Variants in NIN observed in about 807,000 individuals in gnomAD.
NIN encodes glycogen synthase kinase 3 beta-interacting protein.
NIN carries 137 observed loss-of-function variants against 257.6 expected under a neutral mutation model. The observed-to-expected ratio is 0.53, with a 90% CI of 0.46 to 0.61. The LOEUF is 0.61. Among genes scored for constraint, NIN ranks in the 20% least tolerant of loss-of-function variants. The pLI, the probability that NIN is intolerant of heterozygous loss-of-function variation, is 0.00. For missense variants in NIN, 2,439 were observed against 2,501.2 expected (o/e 0.98, Z 0.53); for synonymous variants, 918 against 919.8 (o/e 1.00, Z 0.04).
chr14:50,760,216 C>A lies in NIN; in HGVS notation c.2040G>T (p.Gln680His), dbSNP rs762965928. The change falls in exon 17 of 31, where the codon CAG becomes CAT. Residue 680 changes from glutamine (Q) to histidine (H), a missense_variant. By Grantham distance (24) the Gln-to-His change is conservative. Around this residue, in one of 3 missense-constraint regions of NIN, gnomAD observed 2,043 missense variants for 2,050.2 expected, o/e 1.00. Transcript: ENST00000530997. ...SDLKNEIAEL[Q>H]GQAAVLKEAH... ...CCTCCTTGAGCACTGCTGCTTGCCC[C>A]TGAAGTTCAGCAATTTCATTTTTAA... is the stretch of plus-strand genomic sequence containing the variant. 6.2e-7 allele frequency: 1 copy of A among 1,613,858 alleles called. No individual in the cohort carries two copies. Among genetic ancestry groups the A allele is most frequent in the East Asian group, 2.2e-5 (1 of 44,860 alleles).
At chr14:50,778,463 T>A (rs1410997835) in intron 6 of NIN, among the ~76,000 whole-genome samples, 2 of 152,228 alleles carry the variant, frequency 1.3e-5, no homozygotes, top group East Asian at 3.9e-4. Context: ...CCACTGTACC[T>A]GGCCAAGGGA....
Position 50,744,383 on chromosome 14 carries a change from A to C in NIN, c.5065-18T>G. The C allele has an allele frequency of 6.2e-7, 1 of 1,612,458 alleles. No individual in the cohort carries two copies. Among genetic ancestry groups the C allele is most frequent in the South Asian group, 1.1e-5 (1 of 90,950 alleles). The stretch of plus-strand genomic sequence containing the variant: ...CTGTGCAGCTGTAAGAGATAAACAA[A>C]TGAGCCCTCCCATCACATCTCATGG... On this transcript the variant is annotated intron_variant, in intron 22 of 30. Coordinates refer to ENST00000530997, the MANE Select transcript of NIN (RefSeq NM_020921.4).
chr14:50,720,837 A>T lies in NIN; in HGVS notation c.*2626T>A, dbSNP rs2040257119. On this transcript the variant is annotated 3_prime_UTR_variant, in exon 31 of 31. Transcript: ENST00000530997. ...ACGTATTATCTCAAAGGCAAACTTG[A>T]TTCCCTTTTCTTGAAACGAAGATCC... is the stretch of plus-strand genomic sequence containing the variant. The T allele has an allele frequency of 1.5e-5, 3 of 200,400 alleles. No individual in the cohort carries two copies. In the South Asian group the frequency reaches 5.7e-4, roughly 38 times the overall value. The allele number at this position is 200,400 out of a possible 1,614,324, so 12.4% of individuals were successfully genotyped here.
At chr14:50,822,796 G>A (rs1187402843) in intron 2 of NIN, among the ~76,000 whole-genome samples, 1 of 152,220 alleles carries the variant, frequency 6.6e-6, no homozygotes, top group Non-Finnish European at 1.5e-5. Flanking sequence ...AGGTGTGACG[G>A]GAAGAATATT....
At chr14:50,764,933 CCT>C (rs1421209265) in intron 14 of NIN, among the ~76,000 whole-genome samples, 2 of 151,776 alleles carry the variant, frequency 1.3e-5, no homozygotes, top group African/African-American at 2.4e-5. Context: ...TGAATTTATA[CCT>C]TCAATGGGTA....
chr14:50,765,676 T>C (rs1238855469), intron 14 of NIN, among the ~76,000 whole-genome samples: 1 of 151,820 alleles, frequency 6.6e-6, no homozygotes, highest in Non-Finnish European at 1.5e-5. Flanking sequence ...TAGCTAAGAC[T>C]TGAGTGGTTT....
chr14:50,759,847 ACTTTCTTAC>A lies in NIN; in HGVS notation c.2399+1_2399+9del. 1 of 1,592,932 alleles carries A rather than the reference ACTTTCTTAC, an allele frequency of 6.3e-7. No homozygotes were observed. Among genetic ancestry groups the A allele is most frequent in the Non-Finnish European group, 8.5e-7 (1 of 1,172,428 alleles). On this transcript the variant is annotated splice_donor_variant and splice_donor_5th_base_variant and intron_variant, in intron 17 of 30. Transcript: ENST00000530997. LOFTEE classifies it high-confidence loss of function. ...GCCCCAGGTAGCTTCATTTCCCTTC[ACTTTCTTAC>A]CTTCCCTCCTGAAGCTCCCTTTGGT...
rs2040272520 is a variant in NIN, at chr14:50,721,652, A to G, written c.*1811T>C. On this transcript the variant is annotated 3_prime_UTR_variant, in exon 31 of 31. Transcript: ENST00000530997. ...AAGAAAGATCTAAAGAAGGCATAAT[A>G]GCAGATGTCAAATATTTTGAAGTAT... 4.6e-6 allele frequency: 1 copy of G among 217,386 alleles called. No individual in the cohort carries two copies. The highest frequency in any genetic ancestry group is 9.3e-6 in the Non-Finnish European group (1 of 107,808). The allele number at this position is 217,386 out of a possible 1,614,324, so 13.5% of individuals were successfully genotyped here.
At position 50,719,861 on chromosome 14, in the gene NIN, ATCTT is replaced by A. The variant is rs1434335784; in HGVS notation, c.*3598_*3601del. ...ATTTACATCTTAAGCTCACATTAAA[ATCTT>A]TCTAGGATAGAATGGCTAAGATGAA... On this transcript the variant is annotated 3_prime_UTR_variant, in exon 31 of 31. Coordinates refer to ENST00000530997, the MANE Select transcript of NIN (RefSeq NM_020921.4). The A allele has an allele frequency of 2.9e-5, 6 of 203,544 alleles. No homozygotes were observed. Among genetic ancestry groups the A allele is most frequent in the Non-Finnish European group, 6.1e-5 (6 of 99,018 alleles). 12.6% of individuals were successfully genotyped at this position (203,544 alleles called of 1,614,324 possible). A position where few individuals can be genotyped will look rare whatever the true frequency, so the allele number is the denominator to read the frequency against.
At chr14:50,735,429 A>G in intron 28 of NIN, 87 bp downstream of exon 28, 6 of 1,486,914 alleles carry the variant, frequency 4.0e-6, no homozygotes, top group Non-Finnish European at 5.4e-6. Flanking sequence ...ACGGGAATTC[A>G]ATGCCATGTC....
At chr14:50,740,192 CT>C (rs34661828) in intron 25 of NIN, among the ~76,000 whole-genome samples, 28 of 147,008 alleles carry the variant, frequency 1.9e-4, no homozygotes, top group Non-Finnish European at 2.3e-4. Flanking sequence ...AAAATGGAAA[CT>C]TTTTTTTTTT....
chr14:50,758,145 T>C lies in NIN; in HGVS notation c.2885A>G (p.Glu962Gly). 6.2e-7 allele frequency: 1 copy of C among 1,614,222 alleles called. No homozygotes were observed. Among genetic ancestry groups the C allele is most frequent in the South Asian group, 1.1e-5 (1 of 91,074 alleles). Residue 962 changes from glutamate to glycine, a missense_variant, in exon 18 of 31, where the codon GAG (glutamate) becomes GGG (glycine). Glu to Gly is a moderately conservative substitution (Grantham distance 98, BLOSUM62 -2). Coordinates refer to ENST00000530997, the MANE Select transcript of NIN (RefSeq NM_020921.4). ...EEVLCQAGAS[E>G]QLASQRLERL... ...TTCCAGCCGCTGGCTGGCCAGCTGC[T>C]CCGAAGCCCCTGCCTGGCACAGGAC...
At chr14:50,803,112 G>C (rs773190454) in intron 4 of NIN, among the ~76,000 whole-genome samples, 10 of 152,186 alleles carry the variant, frequency 6.6e-5, no homozygotes, top group Admixed American at 1.3e-4. Flanking sequence ...CCAGCACTTT[G>C]GGAGGCCGAG....
intron 4 of NIN, among the ~76,000 whole-genome samples, chr14:50,799,264 T>C (rs2043976649): frequency 1.3e-5 from 2 of 152,096 alleles, no homozygotes; most frequent in Admixed American, 1.3e-4. Flanking sequence ...GGGAAAACAA[T>C]AGGCGCTTCA....
At chr14:50,747,335 T>C (rs1346454128) in intron 22 of NIN, among the ~76,000 whole-genome samples, 1 of 152,206 alleles carries the variant, frequency 6.6e-6, no homozygotes, top group East Asian at 1.9e-4. Flanking sequence ...ATAAGCAAGA[T>C]AGTCCCCCTC....
chr14:50,765,688 C>A (rs2042451934), intron 14 of NIN, among the ~76,000 whole-genome samples: 1 of 150,554 alleles, frequency 6.6e-6, no homozygotes, highest in Non-Finnish European at 1.5e-5. Context: ...GAGTGGTTTT[C>A]TGTTTCATTT....
chr14:50,830,011 G>C (rs2045628939), intron 2 of NIN, among the ~76,000 whole-genome samples: 1 of 152,136 alleles, frequency 6.6e-6, no homozygotes, highest in African/African-American at 2.4e-5. Flanking sequence ...AACTGTTTAC[G>C]CGCATCGACC....
intron 3 of NIN, among the ~76,000 whole-genome samples, chr14:50,810,426 G>A (rs970622199): frequency 7.2e-5 from 11 of 151,956 alleles, no homozygotes; most frequent in Admixed American, 2.6e-4. Flanking sequence ...GTGTGGTAGC[G>A]TGCACCTGTC....
At chr14:50,735,749 A>T in intron 27 of NIN, 132 bp from the exon 28 acceptor site, 1 of 1,163,420 alleles carries the variant, frequency 8.6e-7, no homozygotes, top group Non-Finnish European at 1.2e-6. Context: ...TTCAGTGACA[A>T]ACAAATAATA....
Sources: allele counts gnomAD v4.1 joint callset (sites outside exome capture counted in the v4.1 genomes callset), GRCh38; gene constraint gnomAD v4.1.1; regional missense constraint gnomAD v4.1.1; transcripts MANE v1.5; gene names NCBI Gene and HGNC (gene_info 2026-07-23, HGNC 2026-07-21).